Variants in GXYLT1 observed in about 807,000 individuals in gnomAD.
The protein encoded by GXYLT1 is glycosyltransferase 8 domain containing 3.
A neutral mutation model predicts 54.0 loss-of-function variants in GXYLT1; 29 were observed. The observed-to-expected ratio is 0.54, with a 90% CI of 0.40 to 0.73. GXYLT1 has a LOEUF of 0.73. Ranked by LOEUF, GXYLT1 falls within the 30% of genes least tolerant of loss-of-function variation. GXYLT1 has a pLI of 0.00. For missense variants in GXYLT1, 490 were observed against 553.4 expected (o/e 0.89, Z 1.15); for synonymous variants, 176 against 204.1 (o/e 0.86, Z 1.17).
At chr12:42,139,919 T>C (rs2065641860) in intron 1 of GXYLT1, among the ~76,000 whole-genome samples, 1 of 152,014 alleles carries the variant, frequency 6.6e-6, no homozygotes. Context: ...CGGTGGCTAA[T>C]GCCTGTAATC....
At position 42,093,496 on chromosome 12, in the gene GXYLT1, A is replaced by G. The variant is rs973504226; in HGVS notation, c.1161+3946T>C. Reference sequence around the variant, plus strand: ...AGGAAAACACTGAAAAAAACAGGCTATAAAGAGGGAGTAGCCCCATCAGAT... The same window carrying G: ...AGGAAAACACTGAAAAAAACAGGCTGTAAAGAGGGAGTAGCCCCATCAGAT... On this transcript the variant is annotated intron_variant, in intron 7 of 7. Coordinates refer to ENST00000398675, the MANE Select transcript of GXYLT1 (RefSeq NM_173601.2). Among the ~76,000 whole-genome samples the G allele has an allele frequency of 2.6e-4, 40 of 152,334 alleles. 1 individual carries two copies. Among genetic ancestry groups the G allele is most frequent in the African/African-American group, 9.6e-4 (40 of 41,570 alleles).
chr12:42,127,127 G>A (rs2065567458), intron 2 of GXYLT1, among the ~76,000 whole-genome samples: 1 of 152,144 alleles, frequency 6.6e-6, no homozygotes, highest in Non-Finnish European at 1.5e-5. Flanking sequence ...CTGGTGCCAG[G>A]CAGAATGTGA....
At chr12:42,089,955 G>A (rs1184464933) in intron 7 of GXYLT1, among the ~76,000 whole-genome samples, 1 of 152,148 alleles carries the variant, frequency 6.6e-6, no homozygotes, top group Non-Finnish European at 1.5e-5. Context: ...AAACTACTAT[G>A]ATCATTATTT....
chr12:42,123,354 T>C lies in GXYLT1; in HGVS notation c.315-4183A>G, dbSNP rs990340050. On this transcript the variant is annotated intron_variant, in intron 2 of 7. Transcript: ENST00000398675. ...TAGGGGTGTGTCCTAATGCCTGCTGTCTCTCAAATGGTTTGGCAGAAAAAG... is the reference window on the plus strand; with the variant it reads ...TAGGGGTGTGTCCTAATGCCTGCTGCCTCTCAAATGGTTTGGCAGAAAAAG... Among the ~76,000 whole-genome samples the C allele has an allele frequency of 3.9e-5, 6 of 152,180 alleles. No individual in the cohort carries two copies. The East Asian group carries it at 1.2e-3, about 29-fold the overall frequency.
At chr12:42,130,360 T>C (rs73280087) in intron 1 of GXYLT1, among the ~76,000 whole-genome samples, 1,700 of 152,296 alleles carry the variant, frequency 0.011, 30 homozygotes, top group African/African-American at 0.038. Flanking sequence ...ACAGCCAAGA[T>C]GTATATGAAA....
chr12:42,095,428 C>T (rs1224615172), intron 7 of GXYLT1, among the ~76,000 whole-genome samples: 2 of 150,584 alleles, frequency 1.3e-5, no homozygotes, highest in Admixed American at 1.3e-4. Flanking sequence ...AAGTACCATA[C>T]AGTTTAAAAA....
At chr12:42,117,852 G>T (rs1043575742) in intron 3 of GXYLT1, among the ~76,000 whole-genome samples, 3 of 152,148 alleles carry the variant, frequency 2.0e-5, no homozygotes, top group Non-Finnish European at 2.9e-5. Context: ...GCTAGGCATG[G>T]TCATATGACT....
chr12:42,095,444 A>T (rs965914861), intron 7 of GXYLT1, among the ~76,000 whole-genome samples: 1 of 152,220 alleles, frequency 6.6e-6, no homozygotes, highest in Non-Finnish European at 1.5e-5. Context: ...AAAAAAAAAA[A>T]CTGAGGAAAA....
At chr12:42,131,714 C>T (rs1481733974) in intron 1 of GXYLT1, among the ~76,000 whole-genome samples, 3 of 151,970 alleles carry the variant, frequency 2.0e-5, no homozygotes, top group African/African-American at 7.2e-5. Context: ...GTGTTTGTAC[C>T]CTCTCAGGCA....
intron 4 of GXYLT1, 108 bp from the exon 5 acceptor site, chr12:42,106,177 T>C: frequency 4.3e-6 from 3 of 694,732 alleles, no homozygotes; most frequent in Non-Finnish European, 7.0e-6. Context: ...TAATTTATAT[T>C]ATTTTATTTT....
rs751816864 is a variant in GXYLT1, at chr12:42,085,645, C to A, written c.*2141G>T. 1 of 96,740 alleles carries A rather than the reference C, an allele frequency of 1.0e-5. No homozygotes were observed. The highest frequency in any genetic ancestry group is 2.7e-4 in the South Asian group (1 of 3,686). 6.0% of individuals were successfully genotyped at this position (96,740 alleles called of 1,614,324 possible). On this transcript the variant is annotated 3_prime_UTR_variant, in exon 8 of 8. Transcript: ENST00000398675. The stretch of plus-strand genomic sequence containing the variant: ...AGTCATCTGAGGTGATTGTTAAAAA[C>A]GAAATCATCATGTGACTTATATTCT...
intron 1 of GXYLT1, among the ~76,000 whole-genome samples, chr12:42,133,257 G>C (rs2065602750): frequency 6.6e-6 from 1 of 152,270 alleles, no homozygotes; most frequent in South Asian, 2.1e-4. Flanking sequence ...CAGCATGGGT[G>C]ACAGAGAAAG....
chr12:42,089,522 T>G (rs534478395), intron 7 of GXYLT1, among the ~76,000 whole-genome samples: 2 of 152,194 alleles, frequency 1.3e-5, no homozygotes, highest in East Asian at 1.9e-4. Context: ...TGTATATGTA[T>G]TAACACATTT....
chr12:42,129,597 A>T (rs143285608), intron 2 of GXYLT1, among the ~76,000 whole-genome samples, 162 bp downstream of exon 2: 1 of 152,338 alleles, frequency 6.6e-6, no homozygotes, highest in East Asian at 1.9e-4. Flanking sequence ...ACTAAAAAAT[A>T]GCAATAACAA....
chr12:42,119,314 G>A (rs932974003), intron 2 of GXYLT1, 143 bp from the exon 3 acceptor site: 13 of 663,926 alleles, frequency 2.0e-5, no homozygotes, highest in Non-Finnish European at 3.4e-5. Flanking sequence ...GCTAAGGCAG[G>A]AGGATCACTT....
intron 1 of GXYLT1, among the ~76,000 whole-genome samples, chr12:42,143,746 T>C (rs946315236): frequency 1.3e-5 from 2 of 152,246 alleles, no homozygotes; most frequent in Non-Finnish European, 2.9e-5. Context: ...CCTAAGTCAT[T>C]ACGTCGCTTT....
intron 3 of GXYLT1, among the ~76,000 whole-genome samples, chr12:42,114,865 G>A (rs1176835666): frequency 2.0e-5 from 3 of 151,736 alleles, no homozygotes; most frequent in Non-Finnish European, 4.4e-5. Flanking sequence ...GATGAACATC[G>A]ATGCAAAAAT....
At chr12:42,132,991 A>C (rs2065600813) in intron 1 of GXYLT1, among the ~76,000 whole-genome samples, 1 of 152,076 alleles carries the variant, frequency 6.6e-6, no homozygotes, top group African/African-American at 2.4e-5. Flanking sequence ...TTCTATTAAT[A>C]AGTAGGATCT....
chr12:42,136,750 T>TTATACATACA (rs1413542992), intron 1 of GXYLT1, among the ~76,000 whole-genome samples: 7 of 29,608 alleles, frequency 2.4e-4, no homozygotes, highest in Non-Finnish European at 4.5e-4. Context: ...AGGAGGTTTT[T>TTATACATACA]TATACATACA....
Sources: allele counts gnomAD v4.1 joint callset (sites outside exome capture counted in the v4.1 genomes callset), GRCh38; gene constraint gnomAD v4.1.1; transcripts MANE v1.5; gene names NCBI Gene and HGNC (gene_info 2026-07-23, HGNC 2026-07-21).